Variants in KAZN observed in about 807,000 individuals in gnomAD.
The protein encoded by KAZN is kazrin, periplakin interacting protein.
Under a neutral mutation model 87.4 loss-of-function variants are expected in KAZN, and 40 were observed. That is an observed-to-expected ratio of 0.46 (90% confidence interval 0.36 to 0.60). The LOEUF (loss-of-function observed/expected upper bound fraction) is 0.60, where lower values mean the gene tolerates loss of function less well. Ranked by LOEUF, KAZN falls within the 20% of genes least tolerant of loss-of-function variation. The pLI, the probability that KAZN is intolerant of heterozygous loss-of-function variation, is 0.00. For missense variants in KAZN, 898 were observed against 1,073.9 expected, an observed-to-expected ratio of 0.84 and a Z score of 2.29; for synonymous variants, 466 against 458.3, an observed-to-expected ratio of 1.02 and a Z score of -0.22.
chr1:14,466,884 G>A (rs1211582212), intron 2 of KAZN, among the ~76,000 whole-genome samples: 1 of 152,046 alleles, frequency 6.6e-6, no homozygotes, highest in Non-Finnish European at 1.5e-5. Context: ...CAGGAGAATG[G>A]CGTGAACCCA....
intron 2 of KAZN, among the ~76,000 whole-genome samples, chr1:14,258,218 C>CT (rs70997128): frequency 0.33 from 41,478 of 126,242 alleles, 7,337 homozygotes; most frequent in African/African-American, 0.44. Context: ...TTCTTTCTTT[C>CT]TTTTTTTTTT....
At chr1:14,281,080 C>T (rs371157010) in intron 2 of KAZN, among the ~76,000 whole-genome samples, 6 of 152,332 alleles carry the variant, frequency 3.9e-5, no homozygotes, top group East Asian at 3.9e-4. Flanking sequence ...ACCAGTTTCA[C>T]TGGATATTTC....
At chr1:15,041,796 C>T (rs185016697) in intron 3 of KAZN, among the ~76,000 whole-genome samples, 14 of 152,158 alleles carry the variant, frequency 9.2e-5, no homozygotes, top group South Asian at 2.1e-4. Flanking sequence ...ACCTCTCAGG[C>T]GTCTCCTTTC....
chr1:14,908,955 C>T (rs1045929688), intron 1 of KAZN, among the ~76,000 whole-genome samples: 2 of 152,072 alleles, frequency 1.3e-5, no homozygotes, highest in African/African-American at 4.8e-5. Flanking sequence ...TGCATTCCAG[C>T]CTGGGTGACA....
intron 1 of KAZN, among the ~76,000 whole-genome samples, chr1:14,049,873 C>A (rs1409169752): frequency 6.6e-6 from 1 of 152,210 alleles, no homozygotes; most frequent in Non-Finnish European, 1.5e-5. Flanking sequence ...AGTGTCCAGT[C>A]ACAGCTGTGA....
chr1:13,987,870 AT>A (rs1353299766), intron 1 of KAZN, among the ~76,000 whole-genome samples: 2 of 152,234 alleles, frequency 1.3e-5, no homozygotes, highest in African/African-American at 2.4e-5. Context: ...ACAGAGATTA[AT>A]TTTTTTACAG....
chr1:14,545,968 C>T (rs1673115789), intron 2 of KAZN, among the ~76,000 whole-genome samples: 1 of 152,014 alleles, frequency 6.6e-6, no homozygotes, highest in Non-Finnish European at 1.5e-5. Context: ...CCTCCCATGT[C>T]CCAAGTTAGG....
intron 3 of KAZN, among the ~76,000 whole-genome samples, chr1:15,037,493 T>C (rs565420149): frequency 3.1e-4 from 47 of 152,154 alleles, no homozygotes; most frequent in Non-Finnish European, 6.5e-4. Flanking sequence ...TAAAGCAGGA[T>C]GAAGATTGCA....
upstream of KAZN, among the ~76,000 whole-genome samples, chr1:14,597,622 T>C (rs1676594138): frequency 6.6e-6 from 1 of 152,162 alleles, no homozygotes; most frequent in African/African-American, 2.4e-5. Flanking sequence ...TGTAAGAACC[T>C]GAAGGGTGGG....
chr1:14,102,204 A>G (rs191002447), intron 1 of KAZN, among the ~76,000 whole-genome samples: 1 of 152,270 alleles, frequency 6.6e-6, no homozygotes, highest in Admixed American at 6.5e-5. Flanking sequence ...CCCTCAGCAC[A>G]CTGGCATGGG....
intron 1 of KAZN, among the ~76,000 whole-genome samples, chr1:14,067,844 C>T (rs1643071293): frequency 1.3e-5 from 2 of 152,214 alleles, no homozygotes; most frequent in Non-Finnish European, 2.9e-5. Context: ...CTCTCTGTGC[C>T]AGTTCCTCAT....
In KAZN at chr1:14,931,555, T is replaced by C. The variant is rs185842442; in HGVS notation, c.227-29129T>C. On this transcript the variant is annotated intron_variant, in intron 1 of 14. Transcript: ENST00000376030. ...ACCCATTCAAGGAGGGTCTCAGACT[T>C]CAGGGATTGCAGCGGTCTGGGGTGC... Among the ~76,000 whole-genome samples, 254 of 152,210 alleles carry C rather than the reference T, an allele frequency of 1.7e-3. 2 individuals are homozygous for C. The highest frequency in any genetic ancestry group is 5.9e-3 in the African/African-American group (246 of 41,534).
intron 1 of KAZN, among the ~76,000 whole-genome samples, chr1:14,150,659 G>A (rs10803465): frequency 0.65 from 99,183 of 152,054 alleles, 33,269 homozygotes; most frequent in African/African-American, 0.79. Context: ...TGAACCCATT[G>A]TTGTAATCCA....
chr1:14,248,827 T>C (rs1167568597), intron 2 of KAZN, among the ~76,000 whole-genome samples: 1 of 152,180 alleles, frequency 6.6e-6, no homozygotes, highest in Non-Finnish European at 1.5e-5. Context: ...GACTAGGTCA[T>C]GAAAGGTTCA....
At chr1:14,514,844 G>T (rs1671219735) in intron 2 of KAZN, among the ~76,000 whole-genome samples, 1 of 151,500 alleles carries the variant, frequency 6.6e-6, no homozygotes, top group African/African-American at 2.4e-5. Flanking sequence ...TACAATTGTT[G>T]TTCCATACAG....
At chr1:14,105,121 C>G (rs1644339761) in intron 1 of KAZN, among the ~76,000 whole-genome samples, 1 of 152,172 alleles carries the variant, frequency 6.6e-6, no homozygotes, top group African/African-American at 2.4e-5. Context: ...CTATGCTAAG[C>G]AGAAGACACA....
At chr1:14,066,290 G>A (rs1056134684) in intron 1 of KAZN, among the ~76,000 whole-genome samples, 2 of 152,170 alleles carry the variant, frequency 1.3e-5, no homozygotes, top group Non-Finnish European at 2.9e-5. Context: ...ACCTGTGCAG[G>A]TGTCTTTTGG....
chr1:14,685,898 C>T (rs977022215), intron 1 of KAZN, among the ~76,000 whole-genome samples: 6 of 151,954 alleles, frequency 3.9e-5, no homozygotes, highest in Admixed American at 6.5e-5. Context: ...CCCATAACTC[C>T]GTGGGATGGG....
intron 11 of KAZN, 74 bp from the exon 12 acceptor site, chr1:15,103,285 G>A: frequency 2.8e-6 from 3 of 1,088,492 alleles, no homozygotes; most frequent in South Asian, 1.4e-5. Flanking sequence ...AAAGAGATGC[G>A]GGGCACCCCC....
Sources: allele counts gnomAD v4.1 joint callset (sites outside exome capture counted in the v4.1 genomes callset), GRCh38; gene constraint gnomAD v4.1.1; transcripts MANE v1.5; gene names NCBI Gene and HGNC (gene_info 2026-07-23, HGNC 2026-07-21).